Variants in EPB41 observed in about 807,000 individuals in gnomAD.
EPB41 encodes erythrocyte membrane protein band 4.1.
In EPB41, 65 loss-of-function variants were observed where a neutral mutation model predicts 108.0. The ratio of observed to expected loss-of-function variants is 0.60; its 90% confidence interval spans 0.49 to 0.74. The LOEUF is 0.74. EPB41 is among the 30% of genes least tolerant of loss of function. The probability of loss-of-function intolerance (pLI) is 0.00; values close to 1 mark genes in which losing one functional copy is unlikely to be tolerated. For synonymous variants in EPB41, 336 were observed against 358.9 expected (o/e 0.94, Z 0.72); for missense variants, 875 against 1,037.0 (o/e 0.84, Z 2.15).
chr1:28,977,411 T>A lies in EPB41; in HGVS notation c.-7-10020T>A, dbSNP rs958105616. 3.1e-3 allele frequency among the ~76,000 whole-genome samples: 426 copies of A among 137,758 alleles called. 2 individuals are homozygous for A. Among genetic ancestry groups the A allele is most frequent in the African/African-American group, 0.012 (408 of 34,990 alleles). 90.4% of individuals were successfully genotyped at this position (137,758 alleles called of 152,430 possible). ...ATGTTTTTCTTTTTTTTTTTTTTTT[T>A]AAAGGTTTGATTTGTCTGAAATTAA... On this transcript the variant is annotated intron_variant, in intron 1 of 20. Coordinates refer to ENST00000343067, the MANE Select transcript of EPB41 (RefSeq NM_001376013.1).
chr1:29,069,246 A>G, intron 16 of EPB41: 1 of 1,231,650 alleles, frequency 8.1e-7, no homozygotes, highest in Non-Finnish European at 1.0e-6. Flanking sequence ...CTGATCAGAG[A>G]AGGCTAGCTC....
intron 14 of EPB41, 120 bp downstream of exon 14, chr1:29,058,972 TA>T: frequency 2.1e-6 from 2 of 968,144 alleles, no homozygotes; most frequent in South Asian, 3.0e-5. Flanking sequence ...GAGTTGTTAA[TA>T]GTTTCAAATA....
chr1:29,105,341 G>A (rs1265674777), intron 17 of EPB41, among the ~76,000 whole-genome samples: 2 of 151,960 alleles, frequency 1.3e-5, no homozygotes, highest in Non-Finnish European at 1.5e-5. Context: ...AGATTCTAGC[G>A]ATTCTCCTGC....
At position 29,117,376 on chromosome 1, in the gene EPB41, C is replaced by T. The variant is rs1671185318; in HGVS notation, c.*564C>T. ...GATCCACAGACCTCGGAAAGATGCC[C>T]CTGTTCCTTTGTTGCGGGTGGTTTT... On this transcript the variant is annotated 3_prime_UTR_variant, in exon 21 of 21. Transcript: ENST00000343067. The T allele has an allele frequency of 6.5e-6, 1 of 152,682 alleles. No individual in the cohort carries two copies. The highest frequency in any genetic ancestry group is 1.5e-5 in the Non-Finnish European group (1 of 68,094). 9.5% of individuals were successfully genotyped at this position (152,682 alleles called of 1,614,324 possible).
intron 1 of EPB41, among the ~76,000 whole-genome samples, chr1:28,943,773 A>G (rs2094390415): frequency 6.6e-6 from 1 of 152,214 alleles, no homozygotes. Flanking sequence ...TGGGAATGCA[A>G]ATTAGTATAA....
At chr1:29,013,268 T>C (rs1319125236) in intron 5 of EPB41, among the ~76,000 whole-genome samples, 2 of 150,194 alleles carry the variant, frequency 1.3e-5, no homozygotes, top group Non-Finnish European at 3.0e-5. Flanking sequence ...GAGGTGGCAG[T>C]GAGCCGAGAT....
At position 28,920,862 on chromosome 1, in the gene EPB41, C is replaced by T. The variant is rs566013852; in HGVS notation, c.-8+6094C>T. On this transcript the variant is annotated intron_variant, in intron 1 of 20. Transcript: ENST00000343067. ...ACCAGGCTGGTCTTGAACTCCTAGGCTCAAGAAATCTGCCTGCCTTGGCCT... is the reference window on the plus strand; with the variant it reads ...ACCAGGCTGGTCTTGAACTCCTAGGTTCAAGAAATCTGCCTGCCTTGGCCT... 1.7e-4 allele frequency among the ~76,000 whole-genome samples: 26 copies of T among 152,200 alleles called. No individual in the cohort carries two copies. The South Asian group carries it at 5.4e-3, about 32-fold the overall frequency.
upstream of EPB41, among the ~76,000 whole-genome samples, chr1:28,911,939 G>C (rs1384752060): frequency 2.0e-5 from 3 of 152,174 alleles, no homozygotes; most frequent in Non-Finnish European, 4.4e-5. Context: ...TACTCACGAG[G>C]CTGAGGCAGG....
At chr1:28,925,431 TAG>T (rs2093391566) in intron 1 of EPB41, among the ~76,000 whole-genome samples, 1 of 152,196 alleles carries the variant, frequency 6.6e-6, no homozygotes, top group East Asian at 1.9e-4. Context: ...ATTTTAGTGG[TAG>T]GGGATAAATA....
chr1:28,914,550 C>T (rs1366992205), upstream of EPB41: 2 of 151,290 alleles, frequency 1.3e-5, no homozygotes, highest in Non-Finnish European at 2.9e-5. Flanking sequence ...GGCTGCGGGC[C>T]GGGCTGGCCT....
rs752248955 is a variant in EPB41, at chr1:29,015,740, C to G, written c.878C>G (p.Pro293Arg). ...TFNVKFYPPDPAQLTEDITRY... is the reference protein window; with the variant it reads ...TFNVKFYPPDRAQLTEDITRY... ...AATGTAAAGTTTTATCCACCTGACC[C>G]AGCACAGTTAACAGAAGACATAACA... is the stretch of plus-strand genomic sequence containing the variant. The change falls in exon 6 of 21, where the codon CCA (proline) becomes CGA (arginine). Residue 293 changes from proline (P) to arginine (R), a missense_variant. Around this residue, in one of 3 missense-constraint regions of EPB41, gnomAD observed 353 missense variants for 393.2 expected, o/e 0.90. Transcript: ENST00000343067. 6.2e-7 allele frequency: 1 copy of G among 1,607,862 alleles called. No individual in the cohort carries two copies. The highest frequency in any genetic ancestry group is 1.1e-5 in the South Asian group (1 of 90,726).
intron 1 of EPB41, among the ~76,000 whole-genome samples, chr1:28,967,805 C>T (rs866281180): frequency 2.8e-5 from 4 of 142,708 alleles, no homozygotes; most frequent in African/African-American, 1.0e-4. Flanking sequence ...TTTAATGGGC[C>T]TTGTCTTTTT....
intron 1 of EPB41, among the ~76,000 whole-genome samples, chr1:28,970,357 T>C (rs188670099): frequency 7.2e-4 from 109 of 152,346 alleles, no homozygotes; most frequent in African/African-American, 1.8e-3. Context: ...AATAGTCTTA[T>C]GGTATTTGAG....
chr1:29,069,214 G>C, intron 16 of EPB41: 1 of 1,231,586 alleles, frequency 8.1e-7, no homozygotes, highest in Non-Finnish European at 1.0e-6. Flanking sequence ...GGTGTGCAAA[G>C]AACCAGTGTT....
intron 1 of EPB41, among the ~76,000 whole-genome samples, chr1:28,976,436 C>G (rs1025047908): frequency 7.9e-5 from 12 of 152,114 alleles, no homozygotes; most frequent in South Asian, 2.1e-4. Context: ...CTCACTGTAG[C>G]CTTGACCTCT....
chr1:28,904,567 G>A (rs1356546803), intron 1 of EPB41, among the ~76,000 whole-genome samples: 2 of 152,036 alleles, frequency 1.3e-5, no homozygotes, highest in African/African-American at 4.8e-5. Context: ...AGATTATGAG[G>A]GTGGGGCCCT....
intron 16 of EPB41, chr1:29,065,966 CAAAAA>C (rs71022389): frequency 1.1e-4 from 10 of 90,990 alleles, no homozygotes; most frequent in South Asian, 3.7e-4. Flanking sequence ...GACCCTGTCT[CAAAAA>C]AAAAAAAAAA....
chr1:28,993,657 C>CTTT lies in EPB41; in HGVS notation c.681+130_681+132dup, dbSNP rs932117775. ...TCACTGTAGTGATTATTTCTTTTTT[C>CTTT]TTTTTTTTTTTTTTTTTGAGACAGA... On this transcript the variant is annotated intron_variant, in intron 3 of 20. Coordinates refer to ENST00000343067, the MANE Select transcript of EPB41 (RefSeq NM_001376013.1). 5,384 of 550,488 alleles carry CTTT rather than the reference C, an allele frequency of 9.8e-3. 1 individual carries two copies. The highest frequency in any genetic ancestry group is 0.048 in the East Asian group (1,037 of 21,738). 34.1% of individuals were successfully genotyped at this position (550,488 alleles called of 1,614,324 possible).
In EPB41 at chr1:28,887,182, C is replaced by T. The variant is rs1490563160; in HGVS notation, c.-36C>T. On this transcript the variant is annotated 5_prime_UTR_variant, in exon 1 of 17. Coordinates refer to the EPB41 transcript ENST00000347529. The surrounding 1 kb of genome is among the most constrained non-coding windows in gnomAD (Gnocchi z 4.9). Reference sequence around the variant, plus strand: ...GAGCGGCGCGGAGCCAGAACGCGGTCGGCCCGGTCCCCGCCGCACCCAGCC... The same window carrying T: ...GAGCGGCGCGGAGCCAGAACGCGGTTGGCCCGGTCCCCGCCGCACCCAGCC... The T allele has an allele frequency of 1.6e-6, 2 of 1,232,530 alleles. No homozygotes were observed. Among genetic ancestry groups the T allele is most frequent in the Non-Finnish European group, 2.1e-6 (2 of 938,392 alleles). The allele number at this position is 1,232,530 out of a possible 1,614,324, so 76.3% of individuals were successfully genotyped here.
Sources: gnomAD v4.1 joint callset for allele counts (sites outside exome capture counted in the v4.1 genomes callset) on GRCh38, gnomAD v4.1.1 for gene constraint, gnomAD v4.1.1 regional missense constraint, Gnocchi (gnomAD v3.1) non-coding constraint, MANE v1.5 for transcripts, NCBI Gene and HGNC (gene_info 2026-07-23, HGNC 2026-07-21) for gene names.